Variants in ADAMTS19 observed in about 807,000 individuals in gnomAD.
ADAMTS19 encodes ADAM metallopeptidase with thrombospondin type 1 motif 19.
ADAMTS19 carries 93 observed loss-of-function variants against 153.3 expected under a neutral mutation model. The ratio of observed to expected loss-of-function variants is 0.61; its 90% CI spans 0.51 to 0.72. The LOEUF (loss-of-function observed/expected upper bound fraction) is 0.72. Among genes scored for constraint, ADAMTS19 ranks in the 30% least tolerant of loss-of-function variants. The pLI, the probability that ADAMTS19 is intolerant of heterozygous loss-of-function variation, is 0.00. For missense variants in ADAMTS19, 1,482 were observed against 1,552.1 expected (o/e 0.95, Z 0.76); for synonymous variants, 600 against 556.6 (o/e 1.08, Z -1.10).
At chr5:129,568,061 A>G (rs1753775036) in intron 7 of ADAMTS19, among the ~76,000 whole-genome samples, 1 of 152,188 alleles carries the variant, frequency 6.6e-6, no homozygotes, top group South Asian at 2.1e-4. Flanking sequence ...ACATAAAGGT[A>G]AAATAAGGAC....
chr5:129,566,089 C>G (rs1481717934), intron 7 of ADAMTS19, among the ~76,000 whole-genome samples: 2 of 152,038 alleles, frequency 1.3e-5, no homozygotes, highest in Non-Finnish European at 2.9e-5. Context: ...TAAGCCCATA[C>G]AGAAGAAAAT....
intron 9 of ADAMTS19, among the ~76,000 whole-genome samples, chr5:129,621,219 C>G (rs1390851832): frequency 2.0e-5 from 3 of 152,108 alleles, no homozygotes; most frequent in African/African-American, 7.2e-5. Context: ...TTTCCATGTT[C>G]AGTGGCAGTA....
intron 13 of ADAMTS19, 30 bp from the exon 14 acceptor site, chr5:129,654,276 C>T: frequency 6.5e-7 from 1 of 1,548,966 alleles, no homozygotes; most frequent in Admixed American, 2.2e-5. Context: ...GTAACTTTTT[C>T]TCATTTCTTT....
chr5:129,672,796 G>T lies in ADAMTS19; in HGVS notation c.2507-6968G>T, dbSNP rs183369252. The stretch of plus-strand genomic sequence containing the variant: ...ATGGTTACTAAGTTGGTTGGCATGT[G>T]CAAGTCCAAATCTACACACACACAC... On this transcript the variant is annotated intron_variant, in intron 16 of 22. Transcript: ENST00000274487. 1.6e-4 allele frequency among the ~76,000 whole-genome samples: 23 copies of T among 139,598 alleles called. No homozygotes were observed. In the East Asian group the frequency reaches 2.7e-3, roughly 17 times the overall value. 91.6% of individuals were successfully genotyped at this position (139,598 alleles called of 152,430 possible).
At chr5:129,720,162 A>G (rs1273566697) in intron 21 of ADAMTS19, among the ~76,000 whole-genome samples, 6 of 141,216 alleles carry the variant, frequency 4.2e-5, no homozygotes, top group African/African-American at 1.7e-4. Flanking sequence ...ATATATATAT[A>G]TATATATATT....
intron 17 of ADAMTS19, 140 bp downstream of exon 17, chr5:129,680,061 G>A: frequency 2.0e-6 from 2 of 980,860 alleles, no homozygotes; most frequent in Non-Finnish European, 2.8e-6. Context: ...AATTTTTAGA[G>A]GTTTTGTAAA....
At chr5:129,583,483 T>A (rs1749626273) in intron 7 of ADAMTS19, among the ~76,000 whole-genome samples, 1 of 152,126 alleles carries the variant, frequency 6.6e-6, no homozygotes, top group African/African-American at 2.4e-5. Flanking sequence ...GAAGTTCTCC[T>A]GGATAATATC....
rs768067808 is a variant in ADAMTS19, at chr5:129,620,761, A to G, written c.1619+3A>G. The G allele has an allele frequency of 1.2e-6, 2 of 1,611,450 alleles. No individual in the cohort carries two copies. Among genetic ancestry groups the G allele is most frequent in the Non-Finnish European group, 8.5e-7 (1 of 1,178,412 alleles). On this transcript the variant is annotated splice_donor_region_variant and intron_variant, in intron 9 of 22. Coordinates refer to ENST00000274487, the MANE Select transcript of ADAMTS19 (RefSeq NM_133638.6). ...GAAGATTTGGAAAGATTTCTCAGGT[A>G]TGGAGGTCACTTATTGTTTTTGCCT...
chr5:129,626,165 C>T (rs542234480), intron 10 of ADAMTS19, among the ~76,000 whole-genome samples: 1 of 152,134 alleles, frequency 6.6e-6, no homozygotes, highest in East Asian at 1.9e-4. Context: ...ATGCTAGATC[C>T]AAACTCAGAT....
intron 2 of ADAMTS19, among the ~76,000 whole-genome samples, chr5:129,507,366 T>G (rs534314823): frequency 6.6e-6 from 1 of 152,178 alleles, no homozygotes; most frequent in Non-Finnish European, 1.5e-5. Flanking sequence ...ATGTACTACA[T>G]CTTTAATGGC....
chr5:129,603,041 C>T (rs1750736469), intron 8 of ADAMTS19, among the ~76,000 whole-genome samples: 1 of 151,330 alleles, frequency 6.6e-6, no homozygotes, highest in Non-Finnish European at 1.5e-5. Flanking sequence ...TTGAAAGAGT[C>T]TTGACGTGAA....
chr5:129,622,172 GT>G, intron 9 of ADAMTS19, 25 bp from the exon 10 acceptor site: 1 of 1,613,702 alleles, frequency 6.2e-7, no homozygotes, highest in Non-Finnish European at 8.5e-7. Context: ...AAATTCAAAA[GT>G]TTACACATAC....
chr5:129,656,553 G>T (rs567835202), intron 14 of ADAMTS19, among the ~76,000 whole-genome samples: 46 of 152,270 alleles, frequency 3.0e-4, no homozygotes, highest in African/African-American at 1.1e-3. Context: ...TGTTATTTGC[G>T]TATCTCCCGC....
At chr5:129,651,887 A>G (rs1297011145) in intron 13 of ADAMTS19, among the ~76,000 whole-genome samples, 1 of 152,228 alleles carries the variant, frequency 6.6e-6, no homozygotes, top group East Asian at 1.9e-4. Flanking sequence ...ATGACTGTTC[A>G]CATCATGAAA....
chr5:129,717,617 C>T (rs1756790709), intron 21 of ADAMTS19, among the ~76,000 whole-genome samples: 1 of 152,190 alleles, frequency 6.6e-6, no homozygotes, highest in Admixed American at 6.5e-5. Context: ...AGGCAGACTT[C>T]TTTTGTGTCG....
At chr5:129,664,309 A>G (rs1402131776) in intron 15 of ADAMTS19, among the ~76,000 whole-genome samples, 1 of 152,150 alleles carries the variant, frequency 6.6e-6, no homozygotes, top group Non-Finnish European at 1.5e-5. Flanking sequence ...CACTGAGGGT[A>G]GAGATCATCT....
chr5:129,707,556 A>G (rs1756224423), intron 21 of ADAMTS19, among the ~76,000 whole-genome samples: 1 of 152,228 alleles, frequency 6.6e-6, no homozygotes, highest in South Asian at 2.1e-4. Context: ...TAAAATGAAG[A>G]CCATCCCAAA....
rs576870826 is a variant in ADAMTS19, at chr5:129,516,009, T to C, written c.913+6767T>C. On this transcript the variant is annotated intron_variant, in intron 3 of 22. Coordinates refer to ENST00000274487, the MANE Select transcript of ADAMTS19 (RefSeq NM_133638.6). ...TTTTATACTGAAGAGATGTTGAATT[T>C]TATGAAATGCTTTTTCAGCATCAAT... 2.0e-5 allele frequency among the ~76,000 whole-genome samples: 3 copies of C among 152,074 alleles called. 1 individual carries two copies. Among genetic ancestry groups the C allele is most frequent in the South Asian group, 4.1e-4 (2 of 4,826 alleles).
chr5:129,613,119 A>G (rs1328371095), intron 8 of ADAMTS19, among the ~76,000 whole-genome samples: 1 of 152,162 alleles, frequency 6.6e-6, no homozygotes, highest in East Asian at 1.9e-4. Flanking sequence ...TCAACATTAG[A>G]CAGATCAACG....
Sources: allele counts gnomAD v4.1 joint callset (sites outside exome capture counted in the v4.1 genomes callset), GRCh38; gene constraint gnomAD v4.1.1; transcripts MANE v1.5; gene names NCBI Gene and HGNC (gene_info 2026-07-23, HGNC 2026-07-21).